The following SPAG16 variants were observed in gnomAD, a reference collection of about 807,000 sequenced individuals.
SPAG16 encodes the protein sperm associated antigen 16, also known as sperm-associated antigen 16 protein.
A neutral mutation model predicts 80.4 loss-of-function variants in SPAG16; 86 were observed. The ratio of observed to expected loss-of-function variants is 1.07; its 90% confidence interval spans 0.90 to 1.28. The LOEUF is 1.28. Among genes scored for constraint, SPAG16 ranks in the 50% most tolerant of loss-of-function variants. The pLI is 0.00. For synonymous variants in SPAG16, 294 were observed against 265.9 expected (o/e 1.11, Z -1.03); for missense variants, 870 against 765.3 (o/e 1.14, Z -1.61).
intron 10 of SPAG16, among the ~76,000 whole-genome samples, chr2:213,565,824 T>C (rs1575997563): frequency 6.6e-6 from 1 of 152,128 alleles, no homozygotes; most frequent in East Asian, 1.9e-4. Flanking sequence ...ATAGCCCAGA[T>C]GAATGCCAGA....
intron 10 of SPAG16, among the ~76,000 whole-genome samples, chr2:213,801,776 A>T (rs2125639428): frequency 6.6e-6 from 1 of 152,326 alleles, no homozygotes; most frequent in African/African-American, 2.4e-5. Flanking sequence ...TTACGTGTCA[A>T]TATGAGAAGG....
intron 13 of SPAG16, among the ~76,000 whole-genome samples, chr2:214,056,857 A>C (rs2049971118): frequency 6.6e-6 from 1 of 152,150 alleles, no homozygotes; most frequent in Non-Finnish European, 1.5e-5. Context: ...CCTTTGTTGT[A>C]ATTTCAGCAA....
At chr2:214,147,214 A>G (rs1273986160) in intron 14 of SPAG16, among the ~76,000 whole-genome samples, 1 of 152,190 alleles carries the variant, frequency 6.6e-6, no homozygotes, top group East Asian at 1.9e-4. Context: ...CTTTCATATT[A>G]TCAAACTATT....
intron 15 of SPAG16, among the ~76,000 whole-genome samples, chr2:214,230,747 G>C (rs951818370): frequency 6.6e-6 from 1 of 151,912 alleles, no homozygotes; most frequent in Admixed American, 6.6e-5. Context: ...TTCTAATTTG[G>C]TGTCTGATAG....
intron 15 of SPAG16, among the ~76,000 whole-genome samples, chr2:214,273,068 C>G: frequency 6.6e-6 from 1 of 152,108 alleles, no homozygotes; most frequent in Non-Finnish European, 1.5e-5. Context: ...TTTCATGTGT[C>G]TTTTGGCTGC....
chr2:213,497,117 T>C (rs1405223722), intron 10 of SPAG16, among the ~76,000 whole-genome samples: 4 of 152,034 alleles, frequency 2.6e-5, no homozygotes, highest in African/African-American at 9.7e-5. Context: ...AATATAAAGA[T>C]ACAGTCTGCT....
At chr2:213,436,197 G>A (rs1299543808) in intron 9 of SPAG16, among the ~76,000 whole-genome samples, 2 of 152,134 alleles carry the variant, frequency 1.3e-5, no homozygotes, top group African/African-American at 4.8e-5. Flanking sequence ...TTCTTCATCC[G>A]TGGTGTGTAG....
chr2:214,198,614 C>T (rs1326235074), intron 15 of SPAG16, among the ~76,000 whole-genome samples: 1 of 151,916 alleles, frequency 6.6e-6, no homozygotes, highest in Non-Finnish European at 1.5e-5. Flanking sequence ...GGGTAGATAC[C>T]GAGTAGTGCA....
At chr2:213,408,080 AAG>A (rs1430112414) in intron 9 of SPAG16, among the ~76,000 whole-genome samples, 4 of 151,394 alleles carry the variant, frequency 2.6e-5, no homozygotes, top group East Asian at 1.9e-4. Flanking sequence ...GAGAGAGAGA[AAG>A]AGAAAAATAG....
chr2:214,185,368 G>T (rs2057435593), intron 15 of SPAG16, among the ~76,000 whole-genome samples: 1 of 151,904 alleles, frequency 6.6e-6, no homozygotes, highest in African/African-American at 2.4e-5. Flanking sequence ...TTAGTTACTG[G>T]GTAGAAGCAG....
chr2:213,547,652 G>A (rs112985705), intron 10 of SPAG16, among the ~76,000 whole-genome samples: 108 of 152,182 alleles, frequency 7.1e-4, no homozygotes, highest in Middle Eastern at 3.4e-3. Context: ...CTATAAAATT[G>A]TATCTATAAA....
chr2:213,984,666 C>G (rs569619802), intron 12 of SPAG16, among the ~76,000 whole-genome samples: 25 of 152,064 alleles, frequency 1.6e-4, no homozygotes, highest in Admixed American at 2.0e-4. Flanking sequence ...TTAGTTATAG[C>G]TTTAATGAAG....
At position 214,078,205 on chromosome 2, in the gene SPAG16, C is replaced by T. The variant is rs548327221; in HGVS notation, c.1528-29991C>T. On this transcript the variant is annotated intron_variant, in intron 13 of 15. Transcript: ENST00000331683. ...TTTCCAGAAAAGAAGGAAGCATTGC[C>T]GTTAGGAGAGAGACCCCAAAAATAT... is the stretch of plus-strand genomic sequence containing the variant. Among the ~76,000 whole-genome samples the T allele has an allele frequency of 2.6e-5, 4 of 152,052 alleles. No homozygotes were observed. In the East Asian group the frequency reaches 5.8e-4, roughly 22 times the overall value.
chr2:213,377,150 T>C (rs2066917964), intron 9 of SPAG16, among the ~76,000 whole-genome samples: 1 of 152,210 alleles, frequency 6.6e-6, no homozygotes, highest in Non-Finnish European at 1.5e-5. Flanking sequence ...AGTTCTAGTT[T>C]TAAATTAATT....
chr2:213,304,289 T>C (rs1270145388), intron 3 of SPAG16, among the ~76,000 whole-genome samples: 1 of 152,198 alleles, frequency 6.6e-6, no homozygotes. Context: ...CCTTTTCAGA[T>C]GGATAGTTTG....
chr2:214,101,903 C>T (rs1354656646), intron 13 of SPAG16, among the ~76,000 whole-genome samples: 2 of 152,142 alleles, frequency 1.3e-5, no homozygotes, highest in African/African-American at 4.8e-5. Flanking sequence ...CACCTGGAAT[C>T]ACCATTTCCC....
intron 10 of SPAG16, among the ~76,000 whole-genome samples, chr2:213,762,036 G>A (rs1320317501): frequency 6.6e-6 from 1 of 152,124 alleles, no homozygotes; most frequent in African/African-American, 2.4e-5. Context: ...GAATGCAAGG[G>A]TGACTCAACA....
intron 10 of SPAG16, among the ~76,000 whole-genome samples, chr2:213,511,064 C>A (rs1316373997): frequency 6.6e-6 from 1 of 152,000 alleles, no homozygotes; most frequent in Non-Finnish European, 1.5e-5. Flanking sequence ...TGCTAAATGG[C>A]ATTTGGGTAT....
At chr2:213,916,196 T>C (rs748252309) in intron 11 of SPAG16, among the ~76,000 whole-genome samples, 5 of 152,214 alleles carry the variant, frequency 3.3e-5, no homozygotes, top group Non-Finnish European at 7.3e-5. Context: ...CCCATGCCTG[T>C]GTCCTGGATG....
Sources: allele counts gnomAD v4.1 joint callset (sites outside exome capture counted in the v4.1 genomes callset), GRCh38; gene constraint gnomAD v4.1.1; transcripts MANE v1.5; gene names NCBI Gene and HGNC (gene_info 2026-07-23, HGNC 2026-07-21).